The following MTUS2 variants were observed in gnomAD, a reference collection of about 807,000 sequenced individuals.
The protein encoded by MTUS2 is microtubule-associated tumor suppressor candidate 2.
MTUS2 carries 40 observed loss-of-function variants against 114.1 expected under a neutral mutation model. The ratio of observed to expected loss-of-function variants is 0.35; its 90% CI spans 0.27 to 0.46. The LOEUF (loss-of-function observed/expected upper bound fraction) is 0.46. Among genes scored for constraint, MTUS2 ranks in the 20% least tolerant of loss-of-function variants. The pLI, the probability that MTUS2 is intolerant of heterozygous loss-of-function variation, is 1.00. For missense variants in MTUS2, 1,679 were observed against 1,705.4 expected (o/e 0.98, Z 0.27); for synonymous variants, 688 against 672.0 (o/e 1.02, Z -0.37).
At chr13:29,498,383 C>G (rs1882684751) in intron 13 of MTUS2, 35 bp from the exon 14 acceptor site, 1 of 1,611,956 alleles carries the variant, frequency 6.2e-7, no homozygotes, top group Non-Finnish European at 8.5e-7. Context: ...TGCCGGGAAT[C>G]CTGGTCAACA....
intron 5 of MTUS2, among the ~76,000 whole-genome samples, chr13:29,138,229 C>A (rs1021177589): frequency 6.6e-6 from 1 of 151,900 alleles, no homozygotes; most frequent in African/African-American, 2.4e-5. Flanking sequence ...GGAAATTGAC[C>A]AAAATTAACT....
chr13:29,126,980 G>A (rs1891546248), intron 5 of MTUS2, among the ~76,000 whole-genome samples: 1 of 152,216 alleles, frequency 6.6e-6, no homozygotes, highest in African/African-American at 2.4e-5. Flanking sequence ...TCAGTGTTCA[G>A]TGCTCTGATC....
chr13:29,310,355 C>A (rs753356344), intron 6 of MTUS2, among the ~76,000 whole-genome samples: 1 of 152,210 alleles, frequency 6.6e-6, no homozygotes, highest in Admixed American at 6.5e-5. Context: ...TTACCTAATT[C>A]CACCTCCAAC....
intron 6 of MTUS2, among the ~76,000 whole-genome samples, chr13:29,287,979 G>A (rs1319916010): frequency 6.6e-6 from 1 of 152,200 alleles, no homozygotes; most frequent in African/African-American, 2.4e-5. Flanking sequence ...TCCTGGTCAG[G>A]AGGCTGCAGG....
At chr13:29,276,814 C>T (rs925952995) in intron 5 of MTUS2, among the ~76,000 whole-genome samples, 1 of 152,112 alleles carries the variant, frequency 6.6e-6, no homozygotes, top group Non-Finnish European at 1.5e-5. Flanking sequence ...AGGGAAATCA[C>T]TGGAACTCAG....
intron 5 of MTUS2, among the ~76,000 whole-genome samples, chr13:29,276,598 T>C (rs892286890): frequency 1.3e-5 from 2 of 152,082 alleles, no homozygotes; most frequent in African/African-American, 2.4e-5. Flanking sequence ...CAGCTCAATA[T>C]TTAAGAATAG....
chr13:28,972,158 AT>A (rs1268349709), intron 2 of MTUS2, among the ~76,000 whole-genome samples: 1 of 152,210 alleles, frequency 6.6e-6, no homozygotes, highest in African/African-American at 2.4e-5. Flanking sequence ...ACTTCTCAGC[AT>A]CTTAGATCTG....
At chr13:29,008,979 A>G (rs1885720447) in intron 2 of MTUS2, among the ~76,000 whole-genome samples, 1 of 149,758 alleles carries the variant, frequency 6.7e-6, no homozygotes, top group African/African-American at 2.5e-5. Flanking sequence ...TAGAGCTCCT[A>G]GGTTGATCAT....
chr13:29,372,087 G>T (rs1203767719), intron 8 of MTUS2, among the ~76,000 whole-genome samples: 1 of 146,918 alleles, frequency 6.8e-6, no homozygotes, highest in Non-Finnish European at 1.5e-5. Context: ...TATCAAAATA[G>T]CACTTTGTAC....
chr13:28,957,384 A>G (rs1469005191), intron 2 of MTUS2, among the ~76,000 whole-genome samples: 2 of 152,150 alleles, frequency 1.3e-5, no homozygotes, highest in Non-Finnish European at 2.9e-5. Context: ...TCCTTATTCT[A>G]TTACATTTTG....
intron 8 of MTUS2, among the ~76,000 whole-genome samples, chr13:29,401,634 C>G (rs372527671): frequency 1.3e-5 from 2 of 152,118 alleles, no homozygotes; most frequent in African/African-American, 2.4e-5. Flanking sequence ...TGAAATGCCA[C>G]CCTTATTATA....
chr13:29,219,906 G>C (rs1895837189), intron 5 of MTUS2, among the ~76,000 whole-genome samples: 1 of 151,986 alleles, frequency 6.6e-6, no homozygotes, highest in Admixed American at 6.6e-5. Context: ...GTTGTGGTTG[G>C]TTTGATCTTT....
At chr13:29,167,377 A>G (rs1257382855) in intron 5 of MTUS2, among the ~76,000 whole-genome samples, 2 of 148,202 alleles carry the variant, frequency 1.3e-5, no homozygotes, top group African/African-American at 4.9e-5. Context: ...TCTATCTCAG[A>G]AAAAAAAAAG....
chr13:29,499,178 CAG>C (rs1370576428), intron 14 of MTUS2, among the ~76,000 whole-genome samples: 1 of 152,190 alleles, frequency 6.6e-6, no homozygotes, highest in African/African-American at 2.4e-5. Flanking sequence ...CAGTCCAGAA[CAG>C]AGTCCTAGCT....
intron 2 of MTUS2, among the ~76,000 whole-genome samples, chr13:28,890,518 G>A (rs1878854707): frequency 6.6e-6 from 1 of 152,118 alleles, no homozygotes; most frequent in Non-Finnish European, 1.5e-5. Context: ...CTGTCTCCTA[G>A]CGTTTTTATG....
rs1002904590 is a variant in MTUS2 at position 29,276,874 on chromosome 13, G to C, written c.2645-4830G>C. ...GACCGTGCCACTGCACTCCAGCCTGGTGGACAGAGGGAGACTCCGTCTCAA... is the reference window on the plus strand; with the variant it reads ...GACCGTGCCACTGCACTCCAGCCTGCTGGACAGAGGGAGACTCCGTCTCAA... On this transcript the variant is annotated intron_variant, in intron 5 of 15. Transcript: ENST00000612955. 3.3e-5 allele frequency among the ~76,000 whole-genome samples: 5 copies of C among 151,958 alleles called. No individual in the cohort carries two copies. In the East Asian group the frequency reaches 9.6e-4, roughly 29 times the overall value.
chr13:29,006,938 A>T (rs1885627748), intron 2 of MTUS2, among the ~76,000 whole-genome samples: 1 of 152,174 alleles, frequency 6.6e-6, no homozygotes. Context: ...CCCCTGGTGA[A>T]TCTGGGGTCT....
intron 5 of MTUS2, among the ~76,000 whole-genome samples, chr13:29,195,685 A>G (rs1489156576): frequency 1.3e-5 from 2 of 152,138 alleles, no homozygotes; most frequent in East Asian, 3.9e-4. Flanking sequence ...CGCCCCACCC[A>G]GCCTGGGCCA....
chr13:29,492,091 C>A (rs868325920), intron 11 of MTUS2, among the ~76,000 whole-genome samples: 1 of 109,528 alleles, frequency 9.1e-6, no homozygotes, highest in Non-Finnish European at 1.8e-5. Flanking sequence ...TATGTGAATG[C>A]GTGGTAGGTG....
Sources: allele counts gnomAD v4.1 joint callset (sites outside exome capture counted in the v4.1 genomes callset), GRCh38; gene constraint gnomAD v4.1.1; transcripts MANE v1.5; gene names NCBI Gene and HGNC (gene_info 2026-07-23, HGNC 2026-07-21).